Variants in HNRNPUL1 observed in about 807,000 individuals in gnomAD.
HNRNPUL1 encodes heterogeneous nuclear ribonucleoprotein U like 1.
HNRNPUL1 carries 14 observed loss-of-function variants against 108.5 expected under a neutral mutation model. The ratio of observed to expected loss-of-function variants is 0.13; its 90% CI spans 0.09 to 0.20. The LOEUF (loss-of-function observed/expected upper bound fraction) is 0.20, where lower values mean the gene tolerates loss of function less well. HNRNPUL1 is among the 10% of genes least tolerant of loss of function. The pLI, the probability that HNRNPUL1 is intolerant of heterozygous loss-of-function variation, is 1.00. For synonymous variants in HNRNPUL1, 422 were observed against 445.2 expected, an observed-to-expected ratio of 0.95 and a Z score of 0.66; for missense variants, 804 against 1,168.3, an observed-to-expected ratio of 0.69 and a Z score of 4.55.
intron 7 of HNRNPUL1, among the ~76,000 whole-genome samples, chr19:41,283,073 G>C (rs991176130): frequency 2.0e-5 from 3 of 152,002 alleles, no homozygotes; most frequent in Non-Finnish European, 4.4e-5. Flanking sequence ...TAGAAATATC[G>C]GTAAGATTAA....
At chr19:41,268,863 A>C (rs2035028385) in intron 2 of HNRNPUL1, among the ~76,000 whole-genome samples, 1 of 146,506 alleles carries the variant, frequency 6.8e-6, no homozygotes, top group South Asian at 2.1e-4. Context: ...ACTGCATCTC[A>C]AAAAAAAAAA....
At chr19:41,280,561 G>C (rs551319148) in intron 6 of HNRNPUL1, among the ~76,000 whole-genome samples, 101 of 152,262 alleles carry the variant, frequency 6.6e-4, no homozygotes, top group African/African-American at 2.4e-3. Context: ...TCACATAGCT[G>C]GTTTGTAGCA....
chr19:41,302,148 TG>T (rs2037246909), intron 11 of HNRNPUL1, among the ~76,000 whole-genome samples: 1 of 152,034 alleles, frequency 6.6e-6, no homozygotes, highest in East Asian at 1.9e-4. Flanking sequence ...GAGGAGTCTT[TG>T]TTAGCCCCTG....
rs1393132601 is a variant in HNRNPUL1 at position 41,264,631 on chromosome 19, A to G, written c.128A>G (p.Asp43Gly). 1.3e-6 allele frequency: 2 copies of G among 1,584,508 alleles called. No individual in the cohort carries two copies. The highest frequency in any genetic ancestry group is 4.6e-5 in the East Asian group (2 of 43,532). ...GCGGCGTTGGAGGCCGAGGAGCCTGACGACGAGCGGGAGCTCGACGCCGAC... is the reference window on the plus strand; with the variant it reads ...GCGGCGTTGGAGGCCGAGGAGCCTGGCGACGAGCGGGAGCTCGACGCCGAC... ...LQAALEAEEP[D>G]DERELDADDE... The change falls in exon 1 of 15, where the codon GAC becomes GGC. Residue 43 changes from aspartate (D) to glycine (G), a missense_variant. Coordinates refer to ENST00000392006, the MANE Select transcript of HNRNPUL1 (RefSeq NM_007040.6).
At position 41,294,283 on chromosome 19, in the gene HNRNPUL1, G is replaced by A. The variant is rs1308601719; in HGVS notation, c.1267-55G>A. The A allele has an allele frequency of 3.1e-6, 5 of 1,602,688 alleles. No homozygotes were observed. The highest frequency in any genetic ancestry group is 4.5e-5 in the East Asian group (2 of 44,722). ...GAGTCACACTCACAGTCACCACCGA[G>A]CCAAGTGGTGCCATACCACCATGCC... On this transcript the variant is annotated intron_variant, in intron 8 of 14. Coordinates refer to ENST00000392006, the MANE Select transcript of HNRNPUL1 (RefSeq NM_007040.6). The surrounding 1 kb of genome is among the most constrained non-coding windows in gnomAD (Gnocchi z 4.3).
upstream of HNRNPUL1, chr19:41,264,210 C>T: frequency 3.2e-6 from 1 of 317,154 alleles, no homozygotes. Flanking sequence ...CCAACGCTTC[C>T]TCCCCAGTAG....
intron 1 of HNRNPUL1, chr19:41,265,219 G>A (rs963146752): frequency 1.3e-6 from 2 of 1,519,462 alleles, no homozygotes; most frequent in Non-Finnish European, 1.8e-6. Context: ...TGTGGGCTGG[G>A]GGGTGGGGAG....
intron 2 of HNRNPUL1, 110 bp from the exon 3 acceptor site, chr19:41,271,972 A>C: frequency 8.0e-7 from 1 of 1,245,750 alleles, no homozygotes; most frequent in Non-Finnish European, 1.1e-6. Flanking sequence ...CCAGCCCTTC[A>C]TCACTGTAGT....
At chr19:41,264,897 C>T (rs2034716913) in intron 1 of HNRNPUL1, 99 bp downstream of exon 1, 4 of 1,342,324 alleles carry the variant, frequency 3.0e-6, no homozygotes, top group Non-Finnish European at 2.8e-6. Flanking sequence ...GGGAGACGAC[C>T]TGAGGATCGG....
upstream of HNRNPUL1, chr19:41,264,203 A>G (rs1016951834): frequency 3.3e-6 from 1 of 305,184 alleles, no homozygotes; most frequent in African/African-American, 2.1e-5. Context: ...ACGTAGGCCA[A>G]CGCTTCCTCC....
intron 1 of HNRNPUL1, among the ~76,000 whole-genome samples, chr19:41,267,569 T>C (rs989062049): frequency 2.0e-5 from 3 of 152,264 alleles, no homozygotes; most frequent in African/African-American, 7.2e-5. Context: ...CCCTTTGGGC[T>C]GCACCTGGTT....
At position 41,294,230 on chromosome 19, in the gene HNRNPUL1, G is replaced by A. The variant is rs577545565; in HGVS notation, c.1267-108G>A. On this transcript the variant is annotated intron_variant, in intron 8 of 14. Transcript: ENST00000392006. The surrounding 1 kb of genome is among the most constrained non-coding windows in gnomAD (Gnocchi z 4.3). ...TAGATGGTATTACTGCTTCCGCTTT[G>A]TAGAGGCAGCCACAGCTCAGAGGTC... The A allele has an allele frequency of 8.3e-5, 107 of 1,291,036 alleles. No homozygotes were observed. Among genetic ancestry groups the A allele is most frequent in the Non-Finnish European group, 2.7e-5 (25 of 912,070 alleles). The allele number at this position is 1,291,036 out of a possible 1,614,324, so 80.0% of individuals were successfully genotyped here.
In HNRNPUL1 at chr19:41,302,786, A is replaced by G. The variant is rs1277561188; in HGVS notation, c.1809A>G (p.Pro603=). The change falls in exon 12 of 15, where the codon CCA becomes CCG. Residue 603 remains proline (P), a synonymous_variant. Transcript: ENST00000392006. ...QYNEEGRKAG[P]PPEKRFDNRG... ...ACGAGGAAGGCCGCAAGGCTGGGCC[A>G]CCCCCTGAAAAGCGCTTTGACAACC... The G allele has an allele frequency of 6.2e-7, 1 of 1,611,810 alleles. No homozygotes were observed. The highest frequency in any genetic ancestry group is 8.5e-7 in the Non-Finnish European group (1 of 1,178,334).
rs1287521063 is a variant in HNRNPUL1 at position 41,301,714 on chromosome 19, G to C, written c.1687+10G>C. On this transcript the variant is annotated intron_variant, in intron 11 of 14. Transcript: ENST00000392006. Reference sequence around the variant, plus strand: ...GTCTTAGAAATGAAAGGTAGGAAATGAGTGCTTCCCAGAGGAACGTCAATG... The same window carrying C: ...GTCTTAGAAATGAAAGGTAGGAAATCAGTGCTTCCCAGAGGAACGTCAATG... 5.6e-6 allele frequency: 9 copies of C among 1,608,350 alleles called. No individual in the cohort carries two copies. The highest frequency in any genetic ancestry group is 7.6e-6 in the Non-Finnish European group (9 of 1,177,190).
At chr19:41,283,035 G>A (rs2035998219) in intron 7 of HNRNPUL1, among the ~76,000 whole-genome samples, 1 of 152,090 alleles carries the variant, frequency 6.6e-6, no homozygotes. Flanking sequence ...TTGGAGATTT[G>A]CAACAATTTG....
chr19:41,274,405 C>G (rs891343631), intron 4 of HNRNPUL1, among the ~76,000 whole-genome samples: 17 of 152,190 alleles, frequency 1.1e-4, no homozygotes, highest in African/African-American at 4.1e-4. Context: ...GTCATCTAAT[C>G]AGGAAGGGAA....
intron 3 of HNRNPUL1, among the ~76,000 whole-genome samples, chr19:41,273,079 A>G (rs1401966248): frequency 1.3e-5 from 2 of 152,304 alleles, no homozygotes; most frequent in South Asian, 2.1e-4. Context: ...CCCACCTCAT[A>G]TGGGGTTCTT....
At chr19:41,283,655 C>T (rs913826058) in intron 7 of HNRNPUL1, among the ~76,000 whole-genome samples, 5 of 152,130 alleles carry the variant, frequency 3.3e-5, no homozygotes, top group African/African-American at 7.2e-5. Flanking sequence ...GGGGTTTCGC[C>T]GTGTTGGCTA....
intron 1 of HNRNPUL1, chr19:41,265,242 G>A (rs1348352996): frequency 1.3e-6 from 2 of 1,527,014 alleles, no homozygotes; most frequent in Non-Finnish European, 1.8e-6. Context: ...GTGTTTCCAG[G>A]GTGGGGAAGG....
Sources: gnomAD v4.1 joint callset for allele counts (sites outside exome capture counted in the v4.1 genomes callset) on GRCh38, gnomAD v4.1.1 for gene constraint, Gnocchi (gnomAD v3.1) non-coding constraint, MANE v1.5 for transcripts, NCBI Gene and HGNC (gene_info 2026-07-23, HGNC 2026-07-21) for gene names.